The following TTC7B variants were observed in gnomAD, a reference collection of about 807,000 sequenced individuals.
TTC7B encodes tetratricopeptide repeat domain 7B.
Under a neutral mutation model 106.8 loss-of-function variants are expected in TTC7B, and 28 were observed. The ratio of observed to expected loss-of-function variants is 0.26; its 90% CI spans 0.19 to 0.36. TTC7B has a LOEUF of 0.36. TTC7B is among the 10% of genes least tolerant of loss of function. TTC7B has a pLI of 1.00. For synonymous variants in TTC7B, 405 were observed against 430.6 expected (o/e 0.94, Z 0.74); for missense variants, 862 against 1,076.4 (o/e 0.80, Z 2.79).
chr14:90,692,375 T>A (rs1887509643), intron 6 of TTC7B, among the ~76,000 whole-genome samples: 1 of 152,206 alleles, frequency 6.6e-6, no homozygotes, highest in Admixed American at 6.5e-5. Context: ...TCTGCTATGA[T>A]CTCACACCAG....
chr14:90,756,382 T>TG (rs1566872547), intron 3 of TTC7B, among the ~76,000 whole-genome samples: 2 of 18,288 alleles, frequency 1.1e-4, no homozygotes, highest in South Asian at 1.0e-3. Flanking sequence ...CTTTTTTTTT[T>TG]TGTTTTTTTT....
chr14:90,728,330 C>A (rs1187348212), intron 5 of TTC7B, among the ~76,000 whole-genome samples: 1 of 136,338 alleles, frequency 7.3e-6, no homozygotes, highest in East Asian at 2.1e-4. Flanking sequence ...AGACCTCGTC[C>A]CCCCCGCAAA....
intron 2 of TTC7B, among the ~76,000 whole-genome samples, chr14:90,782,083 C>A (rs1398040307): frequency 6.6e-6 from 1 of 152,148 alleles, no homozygotes; most frequent in Admixed American, 6.5e-5. Flanking sequence ...GGCCAGGTAG[C>A]CAGGTACAGC....
Position 90,694,137 on chromosome 14 carries a change from C to T in TTC7B, c.777+1363G>A, listed in dbSNP as rs183575568. 1.4e-4 allele frequency among the ~76,000 whole-genome samples: 21 copies of T among 152,224 alleles called. No homozygotes were observed. In the East Asian group the frequency reaches 2.5e-3, roughly 18 times the overall value. The stretch of plus-strand genomic sequence containing the variant: ...TACAAATTAGTCAGGTGTGGTGATG[C>T]GCACCTGTAGTCCCAGCTACTCGGA... On this transcript the variant is annotated intron_variant, in intron 6 of 19. Coordinates refer to ENST00000328459, the MANE Select transcript of TTC7B (RefSeq NM_001010854.2).
chr14:90,617,726 A>G (rs1487043160), intron 16 of TTC7B, among the ~76,000 whole-genome samples: 1 of 152,214 alleles, frequency 6.6e-6, no homozygotes, highest in African/African-American at 2.4e-5. Flanking sequence ...GAAACCCAGG[A>G]TCTGGAGGCT....
At chr14:90,554,769 A>G (rs1352419742) in intron 19 of TTC7B, among the ~76,000 whole-genome samples, 1 of 152,244 alleles carries the variant, frequency 6.6e-6, no homozygotes, top group African/African-American at 2.4e-5. Context: ...CACTTTGAAC[A>G]AAGAAGAAGG....
chr14:90,694,722 G>GTATTTTATTTTATTATAAAATAAA (rs1887625149), intron 6 of TTC7B, among the ~76,000 whole-genome samples: 2 of 42,400 alleles, frequency 4.7e-5, no homozygotes, highest in African/African-American at 7.3e-5. Context: ...TATAAAATAG[G>GTATTTTATTTTATTATAAAATAAA]TATATTTTAT....
At chr14:90,801,919 G>C (rs113843957) in intron 1 of TTC7B, among the ~76,000 whole-genome samples, 9 of 152,084 alleles carry the variant, frequency 5.9e-5, no homozygotes, top group African/African-American at 2.2e-4. Flanking sequence ...AAATTAGCCA[G>C]GTATGGTGGT....
At position 90,608,502 on chromosome 14, in the gene TTC7B, G is replaced by A. The variant is rs1238312610; in HGVS notation, c.1966+2240C>T. On this transcript the variant is annotated intron_variant, in intron 17 of 19. Transcript: ENST00000328459. This position sits in a 1 kb window ranked among gnomAD's most constrained non-coding sequence, Gnocchi z 5.1. ...CTGTGGCTTCCCTGTTGTTGAGGAA[G>A]GGCATAGGAGCCCGCGGTCCTGACT... Among the ~76,000 whole-genome samples the A allele has an allele frequency of 6.6e-6, 1 of 152,172 alleles. No homozygotes were observed. The highest frequency in any genetic ancestry group is 1.5e-5 in the Non-Finnish European group (1 of 68,040).
At chr14:90,574,650 A>G (rs1250175124) in intron 19 of TTC7B, among the ~76,000 whole-genome samples, 1 of 152,206 alleles carries the variant, frequency 6.6e-6, no homozygotes, top group Non-Finnish European at 1.5e-5. Flanking sequence ...ATTTCTGCTT[A>G]AGCCATAGCC....
intron 16 of TTC7B, among the ~76,000 whole-genome samples, chr14:90,612,723 T>C (rs1389691579): frequency 2.0e-5 from 3 of 152,214 alleles, no homozygotes; most frequent in South Asian, 2.1e-4. Context: ...TAAGGTCACA[T>C]AGATGGAGCA....
rs1035178561 is a variant in TTC7B, at chr14:90,615,845, C to T, written c.1868+2084G>A. On this transcript the variant is annotated intron_variant, in intron 16 of 19. Transcript: ENST00000328459. ...TCACCACTCCTCCCTCCAGGCTTTG[C>T]GGGGAGCCGGAGGGGGAATTCTGAG... Among the ~76,000 whole-genome samples, 4 of 152,250 alleles carry T rather than the reference C, an allele frequency of 2.6e-5. No individual in the cohort carries two copies. The East Asian group carries it at 7.7e-4, about 29-fold the overall frequency.
At chr14:90,694,246 A>C (rs2139943943) in intron 6 of TTC7B, among the ~76,000 whole-genome samples, 1 of 152,318 alleles carries the variant, frequency 6.6e-6, no homozygotes, top group East Asian at 1.9e-4. Flanking sequence ...TCAAAACAAA[A>C]AAACAAAACC....
chr14:90,763,380 T>C (rs1890566261), intron 3 of TTC7B, among the ~76,000 whole-genome samples: 1 of 152,218 alleles, frequency 6.6e-6, no homozygotes, highest in Non-Finnish European at 1.5e-5. Context: ...TTCTTCAAGT[T>C]GATAAAGGCT....
intron 4 of TTC7B, among the ~76,000 whole-genome samples, chr14:90,734,123 G>A (rs4309340): frequency 3.9e-5 from 6 of 152,090 alleles, no homozygotes; most frequent in East Asian, 1.9e-4. Flanking sequence ...GAAAATATTC[G>A]AAAGGAGGAA....
intron 3 of TTC7B, 91 bp from the exon 4 acceptor site, chr14:90,745,013 G>A (rs187256200): frequency 7.9e-6 from 10 of 1,268,224 alleles, no homozygotes; most frequent in South Asian, 5.2e-5. Context: ...GAAGATGGCT[G>A]TAGAATATCA....
At chr14:90,647,063 G>C in intron 13 of TTC7B, 40 bp from the exon 14 acceptor site, 9 of 1,580,502 alleles carry the variant, frequency 5.7e-6, no homozygotes, top group Non-Finnish European at 7.0e-6. Context: ...TGGGAGAGGA[G>C]GCCATTTTTA....
intron 5 of TTC7B, chr14:90,699,088 C>G (rs962234410): frequency 2.3e-6 from 1 of 441,662 alleles, no homozygotes; most frequent in African/African-American, 2.0e-5. Flanking sequence ...GTTCCAGTTC[C>G]CCCTTGGGCC....
rs1412343464 is a variant in TTC7B, at chr14:90,802,023, T to G, written c.121+14152A>C. Among the ~76,000 whole-genome samples the G allele has an allele frequency of 1.3e-5, 2 of 150,866 alleles. No individual in the cohort carries two copies. Among genetic ancestry groups the G allele is most frequent in the East Asian group, 1.9e-4 (1 of 5,134 alleles). ...TTGCAGTGAGCCAAGATCGTGCCAT[T>G]GTACTCCAGCCTGGACAACAAGAGC... On this transcript the variant is annotated intron_variant, in intron 1 of 19. Transcript: ENST00000328459. The surrounding 1 kb of genome is among the most constrained non-coding windows in gnomAD (Gnocchi z 4.7).
Sources: allele counts gnomAD v4.1 joint callset (sites outside exome capture counted in the v4.1 genomes callset), GRCh38; gene constraint gnomAD v4.1.1; non-coding constraint Gnocchi (gnomAD v3.1); transcripts MANE v1.5; gene names NCBI Gene and HGNC (gene_info 2026-07-23, HGNC 2026-07-21).